The following ERC2 variants were observed in gnomAD, a reference collection of about 807,000 sequenced individuals.
ERC2 encodes the protein ERC protein 2.
Under a neutral mutation model 114.8 loss-of-function variants are expected in ERC2, and 42 were observed. That is an observed-to-expected ratio of 0.37 (90% CI 0.29 to 0.47). ERC2 has a LOEUF of 0.47. Ranked by LOEUF, ERC2 falls within the 20% of genes least tolerant of loss-of-function variation. The pLI, the probability that ERC2 is intolerant of heterozygous loss-of-function variation, is 0.99. For missense variants in ERC2, 939 were observed against 1,150.7 expected (o/e 0.82, Z 2.66); for synonymous variants, 454 against 425.5 (o/e 1.07, Z -0.82).
intron 3 of ERC2, among the ~76,000 whole-genome samples, chr3:56,180,118 G>C (rs979830165): frequency 2.6e-5 from 4 of 152,164 alleles, no homozygotes; most frequent in Admixed American, 2.0e-4. Flanking sequence ...TCCATAATGA[G>C]AGCGTGGCCA....
At chr3:55,802,189 A>G (rs1011703076) in intron 14 of ERC2, among the ~76,000 whole-genome samples, 5 of 152,274 alleles carry the variant, frequency 3.3e-5, no homozygotes, top group African/African-American at 1.2e-4. Context: ...ACAAATTTAT[A>G]GATACAAATT....
At chr3:56,232,825 GA>G (rs2050714840) in intron 3 of ERC2, among the ~76,000 whole-genome samples, 1 of 152,176 alleles carries the variant, frequency 6.6e-6, no homozygotes, top group East Asian at 1.9e-4. Context: ...CTACACACTA[GA>G]ATTCTTCAGT....
intron 2 of ERC2, among the ~76,000 whole-genome samples, chr3:56,337,812 C>T (rs1004902365): frequency 1.3e-5 from 2 of 152,212 alleles, no homozygotes; most frequent in African/African-American, 2.4e-5. Context: ...CTCACAGGAG[C>T]ATCATTCAGA....
chr3:55,642,838 T>C (rs747382913), intron 17 of ERC2, among the ~76,000 whole-genome samples: 96 of 152,122 alleles, frequency 6.3e-4, no homozygotes, highest in African/African-American at 2.2e-3. Flanking sequence ...AGTTCAGAAA[T>C]AGATGAGGGG....
intron 3 of ERC2, among the ~76,000 whole-genome samples, chr3:56,180,600 G>C (rs140017393): frequency 1.3e-5 from 2 of 152,146 alleles, no homozygotes; most frequent in Non-Finnish European, 2.9e-5. Context: ...GGTATCTAGA[G>C]TAGACAAACT....
chr3:55,550,531 A>G (rs145609839), intron 17 of ERC2, among the ~76,000 whole-genome samples: 95 of 152,338 alleles, frequency 6.2e-4, no homozygotes, highest in East Asian at 6.0e-3. Flanking sequence ...CCAATGAGAT[A>G]TTATGAATTG....
chr3:55,774,174 T>C (rs1495368), intron 14 of ERC2, among the ~76,000 whole-genome samples: 23,796 of 152,074 alleles, frequency 0.16, 2,035 homozygotes, highest in East Asian at 0.22. Flanking sequence ...TGGTCCTTAC[T>C]GAAGGGAAAG....
chr3:55,832,218 T>A (rs961807322), intron 14 of ERC2, among the ~76,000 whole-genome samples: 1 of 152,204 alleles, frequency 6.6e-6, no homozygotes, highest in African/African-American at 2.4e-5. Flanking sequence ...CTCTGCAGAC[T>A]TAAATGTCCC....
At chr3:56,054,197 C>T (rs2075901899) in intron 7 of ERC2, among the ~76,000 whole-genome samples, 1 of 152,194 alleles carries the variant, frequency 6.6e-6, no homozygotes, top group Non-Finnish European at 1.5e-5. Flanking sequence ...CCTCCCGACC[C>T]ATTGCTTTTT....
At chr3:55,762,311 G>C (rs2067499314) in intron 14 of ERC2, among the ~76,000 whole-genome samples, 1 of 152,122 alleles carries the variant, frequency 6.6e-6, no homozygotes, top group Non-Finnish European at 1.5e-5. Flanking sequence ...GACAAATAGG[G>C]TAAATTTTCA....
chr3:55,831,934 C>T (rs910108282), intron 14 of ERC2, among the ~76,000 whole-genome samples: 3 of 152,362 alleles, frequency 2.0e-5, no homozygotes, highest in South Asian at 2.1e-4. Context: ...GCTTAAAAAA[C>T]GGCACACCAG....
At chr3:55,616,409 A>T (rs1039987672) in intron 17 of ERC2, among the ~76,000 whole-genome samples, 3 of 152,190 alleles carry the variant, frequency 2.0e-5, no homozygotes, top group Non-Finnish European at 4.4e-5. Flanking sequence ...TTTTATACAG[A>T]TACGTTTTTA....
At chr3:55,935,152 G>C (rs1196489243) in intron 13 of ERC2, among the ~76,000 whole-genome samples, 1 of 152,146 alleles carries the variant, frequency 6.6e-6, no homozygotes, top group Non-Finnish European at 1.5e-5. Context: ...TGGAGAATAA[G>C]GCTGCTGATC....
chr3:56,325,212 A>G (rs2057305115), intron 2 of ERC2, among the ~76,000 whole-genome samples: 1 of 152,122 alleles, frequency 6.6e-6, no homozygotes, highest in African/African-American at 2.4e-5. Context: ...TGGGAGGCCG[A>G]GATGGGTGGA....
rs528964588 is a variant in ERC2 at position 56,085,365 on chromosome 3, C to T, written c.1474-4381G>A. 4.6e-5 allele frequency among the ~76,000 whole-genome samples: 7 copies of T among 152,228 alleles called. No homozygotes were observed. In the South Asian group the frequency reaches 1.5e-3, roughly 32 times the overall value. ...TCACAGATGTGTGGAGCCCCCAAGC[C>T]CTAATGGCCCTGACTGCATTACAAG... On this transcript the variant is annotated intron_variant, in intron 6 of 17. Transcript: ENST00000288221.
intron 15 of ERC2, among the ~76,000 whole-genome samples, chr3:55,704,759 G>C (rs1292536208): frequency 1.3e-5 from 2 of 152,226 alleles, no homozygotes; most frequent in Non-Finnish European, 2.9e-5. Context: ...TGCCGCATTG[G>C]GGAACTTTCT....
At chr3:56,226,311 C>A (rs544921813) in intron 3 of ERC2, among the ~76,000 whole-genome samples, 1 of 152,190 alleles carries the variant, frequency 6.6e-6, no homozygotes, top group Non-Finnish European at 1.5e-5. Flanking sequence ...TGTTTGCCAT[C>A]ATCTCCCCAG....
In ERC2 at chr3:56,039,973, C is replaced by T. The variant is rs369679907; in HGVS notation, c.1642-20942G>A. On this transcript the variant is annotated intron_variant, in intron 7 of 17. Transcript: ENST00000288221. ...AAAGTAAAATTGGACCCTTATCTCA[C>T]ACTACATGTAAAAACCAACTAAAAT... Among the ~76,000 whole-genome samples the T allele has an allele frequency of 4.6e-5, 7 of 152,256 alleles. No individual in the cohort carries two copies. In the East Asian group the frequency reaches 9.7e-4, roughly 21 times the overall value.
rs113792623 is a variant in ERC2, at chr3:55,907,900, C to T, written c.2404-19351G>A. On this transcript the variant is annotated intron_variant, in intron 13 of 17. Transcript: ENST00000288221. ...ATTATTTACTAAAACCAACAATAGGCAGGGCAGAATTCCACCTCTGCTACA... is the reference window on the plus strand; with the variant it reads ...ATTATTTACTAAAACCAACAATAGGTAGGGCAGAATTCCACCTCTGCTACA... Among the ~76,000 whole-genome samples, 668 of 152,282 alleles carry T rather than the reference C, an allele frequency of 4.4e-3. 3 individuals carry two copies. Among genetic ancestry groups the T allele is most frequent in the African/African-American group, 0.015 (623 of 41,558 alleles).
Sources: gnomAD v4.1 joint callset for allele counts (sites outside exome capture counted in the v4.1 genomes callset) on GRCh38, gnomAD v4.1.1 for gene constraint, MANE v1.5 for transcripts, NCBI Gene and HGNC (gene_info 2026-07-23, HGNC 2026-07-21) for gene names.